The following C1orf21 variants were observed in gnomAD, a reference collection of about 807,000 sequenced individuals.
C1orf21 encodes uncharacterized protein C1orf21.
In C1orf21, 3 loss-of-function variants were observed where a neutral mutation model predicts 18.7. That is an observed-to-expected ratio of 0.16 (90% CI 0.07 to 0.42). The LOEUF (loss-of-function observed/expected upper bound fraction) is 0.42, where lower values mean the gene tolerates loss of function less well. Among genes scored for constraint, C1orf21 ranks in the 10% least tolerant of loss-of-function variants. The pLI is 0.99. For synonymous variants in C1orf21, 41 were observed against 46.4 expected, an observed-to-expected ratio of 0.88 and a Z score of 0.47; for missense variants, 104 against 143.6, an observed-to-expected ratio of 0.72 and a Z score of 1.41.
At chr1:184,522,518 T>C (rs962827888) in intron 3 of C1orf21, among the ~76,000 whole-genome samples, 18 of 152,060 alleles carry the variant, frequency 1.2e-4, no homozygotes, top group African/African-American at 4.1e-4. Flanking sequence ...AGTTAGGAAG[T>C]GTGTGTATGC....
chr1:184,413,832 A>G (rs1408371803), intron 1 of C1orf21, among the ~76,000 whole-genome samples: 1 of 152,188 alleles, frequency 6.6e-6, no homozygotes, highest in East Asian at 1.9e-4. Flanking sequence ...AGTCAAAAGG[A>G]AAAGGAGGAA....
chr1:184,417,806 T>C (rs562729900), intron 1 of C1orf21, among the ~76,000 whole-genome samples: 1 of 152,344 alleles, frequency 6.6e-6, no homozygotes, highest in South Asian at 2.1e-4. Flanking sequence ...TGTTTTCTTA[T>C]GCTGTATCTG....
At chr1:184,462,993 A>G (rs1657330252) in intron 1 of C1orf21, among the ~76,000 whole-genome samples, 1 of 151,350 alleles carries the variant, frequency 6.6e-6, no homozygotes, top group Non-Finnish European at 1.5e-5. Flanking sequence ...GAGGCAGGAG[A>G]ATCACTTGAA....
intron 1 of C1orf21, among the ~76,000 whole-genome samples, chr1:184,473,509 T>C (rs1408972951): frequency 6.6e-6 from 1 of 152,112 alleles, no homozygotes; most frequent in East Asian, 1.9e-4. Context: ...TAGCATAAAC[T>C]GAAGGGAACG....
At chr1:184,402,064 TACTTA>T (rs1571341799) in intron 1 of C1orf21, among the ~76,000 whole-genome samples, 1 of 152,250 alleles carries the variant, frequency 6.6e-6, no homozygotes, top group East Asian at 1.9e-4. Context: ...GTTCTAGTTG[TACTTA>T]AAAAGTTTTC....
rs1472167479 is a variant in C1orf21, at chr1:184,621,197, CT to C, written c.*1645del. The C allele has an allele frequency of 2.6e-5, 4 of 152,668 alleles. No homozygotes were observed. Among genetic ancestry groups the C allele is most frequent in the African/African-American group, 9.6e-5 (4 of 41,580 alleles). The allele number at this position is 152,668 out of a possible 1,614,324, so 9.5% of individuals were successfully genotyped here. A position where few individuals can be genotyped will look rare whatever the true frequency, so the allele number is the denominator to read the frequency against. On this transcript the variant is annotated 3_prime_UTR_variant, in exon 6 of 6. Transcript: ENST00000235307. ...TGCAAATAATGAGATTCCCTATCTC[CT>C]TTTAGACCTGGGACGGCAAAAGGGA...
At chr1:184,525,137 A>C (rs1263564867) in intron 3 of C1orf21, among the ~76,000 whole-genome samples, 3 of 151,820 alleles carry the variant, frequency 2.0e-5, no homozygotes, top group Non-Finnish European at 2.9e-5. Flanking sequence ...GAAAAAAAAA[A>C]CTCTTGTTTT....
intron 1 of C1orf21, among the ~76,000 whole-genome samples, chr1:184,398,381 A>T (rs1049352256): frequency 6.6e-6 from 1 of 152,152 alleles, no homozygotes; most frequent in Non-Finnish European, 1.5e-5. Flanking sequence ...TAAGACTGGA[A>T]TCCGAGCGCT....
chr1:184,465,926 A>C (rs901189272), intron 1 of C1orf21, among the ~76,000 whole-genome samples: 1 of 152,174 alleles, frequency 6.6e-6, no homozygotes, highest in African/African-American at 2.4e-5. Context: ...TGGCTGATGC[A>C]TCTTGACGCT....
At chr1:184,484,593 G>T (rs1011692103) in intron 2 of C1orf21, among the ~76,000 whole-genome samples, 1 of 152,218 alleles carries the variant, frequency 6.6e-6, no homozygotes, top group East Asian at 1.9e-4. Context: ...CAGAGAGATT[G>T]TTCAGGAATC....
At chr1:184,506,756 T>C (rs1419452833) in intron 2 of C1orf21, among the ~76,000 whole-genome samples, 7 of 152,186 alleles carry the variant, frequency 4.6e-5, no homozygotes, top group Non-Finnish European at 7.3e-5. Flanking sequence ...GTGATCAGTC[T>C]TCTGGAGAAC....
chr1:184,623,754 G>A lies in C1orf21; in HGVS notation c.*4198G>A, dbSNP rs541395463. On this transcript the variant is annotated 3_prime_UTR_variant, in exon 6 of 6. Coordinates refer to ENST00000235307, the MANE Select transcript of C1orf21 (RefSeq NM_030806.4). ...GATGTATTTTTCCAAGGGGGGAATA[G>A]TATCCTTGACTTTGGCAGTCACCTT... 2 of 152,640 alleles carry A rather than the reference G, an allele frequency of 1.3e-5. No homozygotes were observed. The highest frequency in any genetic ancestry group is 2.4e-5 in the African/African-American group (1 of 41,448). 9.5% of individuals were successfully genotyped at this position (152,640 alleles called of 1,614,324 possible).
intron 3 of C1orf21, among the ~76,000 whole-genome samples, chr1:184,563,807 G>A (rs922729944): frequency 1.3e-5 from 2 of 152,150 alleles, no homozygotes; most frequent in African/African-American, 2.4e-5. Context: ...ACAAGGTTGG[G>A]GGAAGTTCTT....
rs1656582517 is a variant in C1orf21 at position 184,423,595 on chromosome 1, T to C, written c.-125+36227T>C. ...GAGAAATGAGGAAATAAATATCACA[T>C]AGACCTTTAGTGAAACCTCCTACAC... On this transcript the variant is annotated intron_variant, in intron 1 of 5. Transcript: ENST00000235307. Among the ~76,000 whole-genome samples, 8 of 152,244 alleles carry C rather than the reference T, an allele frequency of 5.3e-5. No homozygotes were observed. In the South Asian group the frequency reaches 1.7e-3, roughly 32 times the overall value.
intron 3 of C1orf21, among the ~76,000 whole-genome samples, chr1:184,552,653 G>A (rs534305193): frequency 3.3e-5 from 5 of 152,164 alleles, no homozygotes; most frequent in African/African-American, 4.8e-5. Flanking sequence ...AGTATTACCC[G>A]GATGAGTAAT....
chr1:184,609,318 T>TA (rs1553259455), intron 5 of C1orf21, among the ~76,000 whole-genome samples: 4 of 152,062 alleles, frequency 2.6e-5, no homozygotes, highest in African/African-American at 9.7e-5. Flanking sequence ...TAACTCTTTC[T>TA]GTATTTCCTG....
chr1:184,410,043 GTGTC>G (rs1308348005), intron 1 of C1orf21, among the ~76,000 whole-genome samples: 1 of 152,160 alleles, frequency 6.6e-6, no homozygotes, highest in Non-Finnish European at 1.5e-5. Flanking sequence ...TTGAAATAAA[GTGTC>G]TGATCTTAAA....
chr1:184,457,892 A>G (rs547416517), intron 1 of C1orf21, among the ~76,000 whole-genome samples: 1 of 152,204 alleles, frequency 6.6e-6, no homozygotes, highest in Non-Finnish European at 1.5e-5. Flanking sequence ...TCGCTTATTT[A>G]TAAGGATAGA....
Position 184,599,990 on chromosome 1 carries a change from G to A in C1orf21, c.327+1529G>A, listed in dbSNP as rs372385503. On this transcript the variant is annotated intron_variant, in intron 5 of 5. Transcript: ENST00000235307. ...ACCTGTATTTTCTTCCCACTGAAAC[G>A]ATGAAGATCTTTTCTTCCTTTCTTT... Among the ~76,000 whole-genome samples, 27 of 152,262 alleles carry A rather than the reference G, an allele frequency of 1.8e-4. 1 individual carries two copies. Among genetic ancestry groups the A allele is most frequent in the Admixed American group, 1.0e-3 (16 of 15,292 alleles).
Sources: gnomAD v4.1 joint callset for allele counts (sites outside exome capture counted in the v4.1 genomes callset) on GRCh38, gnomAD v4.1.1 for gene constraint, MANE v1.5 for transcripts, NCBI Gene and HGNC (gene_info 2026-07-23, HGNC 2026-07-21) for gene names.